CCNY: variants seen among roughly 807,000 people sequenced by gnomAD.
CCNY encodes cyclin-Y.
Under a neutral mutation model 42.8 loss-of-function variants are expected in CCNY, and 19 were observed. The observed-to-expected ratio is 0.44, with a 90% CI of 0.31 to 0.65. The LOEUF is 0.65. Ranked by LOEUF, CCNY falls within the 30% of genes least tolerant of loss-of-function variation. The pLI is 0.07. For missense variants in CCNY, 370 were observed against 437.3 expected, an observed-to-expected ratio of 0.85 and a Z score of 1.37; for synonymous variants, 165 against 162.7, an observed-to-expected ratio of 1.01 and a Z score of -0.11.
intron 3 of CCNY, among the ~76,000 whole-genome samples, chr10:35,285,905 C>T (rs1329683341): frequency 2.6e-5 from 4 of 152,102 alleles, no homozygotes; most frequent in African/African-American, 4.8e-5. Flanking sequence ...CTCTGCCTCC[C>T]GGTTTCAAGC....
chr10:35,462,727 C>T (rs1410164756), intron 1 of CCNY, among the ~76,000 whole-genome samples: 1 of 152,198 alleles, frequency 6.6e-6, no homozygotes, highest in Admixed American at 6.5e-5. Flanking sequence ...AGCTGCCCAC[C>T]ACTCCAGGTC....
In CCNY at chr10:35,336,975, C is replaced by G. The variant is rs1471969484; in HGVS notation, c.-79C>G. 8.5e-7 allele frequency: 1 copy of G among 1,183,104 alleles called. No individual in the cohort carries two copies. Among genetic ancestry groups the G allele is most frequent in the Non-Finnish European group, 1.1e-6 (1 of 930,058 alleles). 73.3% of individuals were successfully genotyped at this position (1,183,104 alleles called of 1,614,324 possible). The stretch of plus-strand genomic sequence containing the variant: ...GGCCTCCCCACACGCCCCCGCCGCC[C>G]GCGCCCCGCGTCCACCCGCGCCCCG... On this transcript the variant is annotated 5_prime_UTR_variant, in exon 1 of 10. Transcript: ENST00000374704.
At chr10:35,253,414 A>ATTTT (rs61405875) in intron 3 of CCNY, among the ~76,000 whole-genome samples, 24 of 89,028 alleles carry the variant, frequency 2.7e-4, no homozygotes, top group Non-Finnish European at 3.7e-4. Flanking sequence ...CATGCTCACT[A>ATTTT]TTTTTTTTTT....
intron 1 of CCNY, among the ~76,000 whole-genome samples, chr10:35,356,336 T>C (rs1836548550): frequency 1.3e-5 from 2 of 152,236 alleles, no homozygotes; most frequent in Non-Finnish European, 1.5e-5. Context: ...ACACTTATGC[T>C]TGTACATCTT....
chr10:35,275,853 G>A (rs1261241037), intron 3 of CCNY, among the ~76,000 whole-genome samples: 1 of 152,192 alleles, frequency 6.6e-6, no homozygotes, highest in Non-Finnish European at 1.5e-5. Context: ...CCTAGGTCGG[G>A]ACCCATGGAC....
intron 1 of CCNY, among the ~76,000 whole-genome samples, chr10:35,457,013 C>A (rs1198240629): frequency 6.6e-6 from 1 of 152,174 alleles, no homozygotes; most frequent in Non-Finnish European, 1.5e-5. Flanking sequence ...GCTCTTTATT[C>A]TCCTCTGAAA....
At chr10:35,264,386 A>T (rs2095722798) in intron 3 of CCNY, among the ~76,000 whole-genome samples, 1 of 152,148 alleles carries the variant, frequency 6.6e-6, no homozygotes, top group Non-Finnish European at 1.5e-5. Context: ...TTTGAGAATC[A>T]CCACACTGTC....
intron 3 of CCNY, among the ~76,000 whole-genome samples, chr10:35,511,905 T>A (rs1302398641): frequency 1.3e-5 from 2 of 152,170 alleles, no homozygotes; most frequent in East Asian, 3.8e-4. Context: ...GTCAGAACCA[T>A]CTAGGCAGGG....
At chr10:35,281,553 C>T (rs1385380555) in intron 3 of CCNY, among the ~76,000 whole-genome samples, 3 of 152,042 alleles carry the variant, frequency 2.0e-5, no homozygotes, top group East Asian at 3.9e-4. Flanking sequence ...CCACCTGCCT[C>T]GGTCTTCCAA....
chr10:35,398,011 G>A (rs1837561853), intron 1 of CCNY, among the ~76,000 whole-genome samples: 1 of 152,162 alleles, frequency 6.6e-6, no homozygotes, highest in South Asian at 2.1e-4. Flanking sequence ...TCTGTTCTCT[G>A]AGCAGTGCTG....
intron 7 of CCNY, among the ~76,000 whole-genome samples, chr10:35,539,616 A>T (rs113964714): frequency 6.6e-6 from 1 of 152,044 alleles, no homozygotes. Flanking sequence ...GTGAAACCCC[A>T]TCTCTACTAA....
At chr10:35,528,327 C>T (rs1840694550) in intron 5 of CCNY, among the ~76,000 whole-genome samples, 2 of 152,188 alleles carry the variant, frequency 1.3e-5, no homozygotes, top group Non-Finnish European at 1.5e-5. Flanking sequence ...CTTTCTTTCG[C>T]TTGGGTTGAT....
chr10:35,473,918 A>G (rs113554868), intron 1 of CCNY, among the ~76,000 whole-genome samples: 9,132 of 152,070 alleles, frequency 0.06, 831 homozygotes, highest in African/African-American at 0.2. Flanking sequence ...CCAGACAGTG[A>G]GCGCAGGTCA....
intron 2 of CCNY, among the ~76,000 whole-genome samples, chr10:35,249,927 G>T (rs1180998712): frequency 2.6e-5 from 4 of 151,942 alleles, no homozygotes. Context: ...GGGTGCGGTG[G>T]CTCACGCCTG....
At chr10:35,425,851 A>C (rs1234159043) in intron 1 of CCNY, among the ~76,000 whole-genome samples, 5 of 152,148 alleles carry the variant, frequency 3.3e-5, no homozygotes, top group Admixed American at 3.3e-4. Context: ...TAAACAACAA[A>C]AACTTACCCT....
chr10:35,416,110 G>C (rs918518648), intron 1 of CCNY, among the ~76,000 whole-genome samples: 1 of 151,932 alleles, frequency 6.6e-6, no homozygotes, highest in Admixed American at 6.6e-5. Context: ...ACTGGTACCC[G>C]TGGGGTGCTG....
chr10:35,281,275 TTTTATTATTTA>T (rs1339937705), intron 3 of CCNY, among the ~76,000 whole-genome samples: 6 of 151,942 alleles, frequency 3.9e-5, no homozygotes, highest in South Asian at 4.1e-4. Context: ...GTACAGGAAT[TTTTATTATTTA>T]TTTATTATTT....
At position 35,439,383 on chromosome 10, in the gene CCNY, T is replaced by C. The variant is rs113942524; in HGVS notation, c.155-44021T>C. 5.9e-3 allele frequency among the ~76,000 whole-genome samples: 904 copies of C among 152,350 alleles called. 12 individuals are homozygous for C. Among genetic ancestry groups the C allele is most frequent in the African/African-American group, 0.02 (816 of 41,594 alleles). On this transcript the variant is annotated intron_variant, in intron 1 of 9. Coordinates refer to ENST00000374704, the MANE Select transcript of CCNY (RefSeq NM_145012.6). ...ATCTTTCAGTTCACTGATTCTTTCTTCTGTTCTGCTGTTGAGCACATCTAC... is the reference window on the plus strand; with the variant it reads ...ATCTTTCAGTTCACTGATTCTTTCTCCTGTTCTGCTGTTGAGCACATCTAC...
At chr10:35,377,323 G>A (rs760531532) in intron 1 of CCNY, among the ~76,000 whole-genome samples, 1 of 152,128 alleles carries the variant, frequency 6.6e-6, no homozygotes, top group Non-Finnish European at 1.5e-5. Flanking sequence ...CTATGCAGGT[G>A]TACCATTTTT....
Sources: gnomAD v4.1 joint callset for allele counts (sites outside exome capture counted in the v4.1 genomes callset) on GRCh38, gnomAD v4.1.1 for gene constraint, MANE v1.5 for transcripts, NCBI Gene and HGNC (gene_info 2026-07-23, HGNC 2026-07-21) for gene names.